The following CDC14B variants were observed in gnomAD, a reference collection of about 807,000 sequenced individuals.
The protein encoded by CDC14B is dual specificity protein phosphatase CDC14B.
A neutral mutation model predicts 64.2 loss-of-function variants in CDC14B; 22 were observed. That is an observed-to-expected ratio of 0.34 (90% confidence interval 0.24 to 0.49). CDC14B has a LOEUF of 0.49. Ranked by LOEUF, CDC14B falls within the 20% of genes least tolerant of loss-of-function variation. The pLI, the probability that CDC14B is intolerant of heterozygous loss-of-function variation, is 0.99. For missense variants in CDC14B, 498 were observed against 629.9 expected, an observed-to-expected ratio of 0.79 and a Z score of 2.24; for synonymous variants, 191 against 215.8, an observed-to-expected ratio of 0.89 and a Z score of 1.01.
chr9:96,514,583 A>G, intron 12 of CDC14B: 2 of 985,442 alleles, frequency 2.0e-6, no homozygotes, highest in Non-Finnish European at 2.4e-6. Context: ...GTGAAACCAC[A>G]AAGTACCAGA....
chr9:96,496,735 G>A (rs1833260089), downstream of CDC14B, among the ~76,000 whole-genome samples: 1 of 152,234 alleles, frequency 6.6e-6, no homozygotes, highest in Non-Finnish European at 1.5e-5. Context: ...CAGCGGACCC[G>A]CTCCCGGGGA....
chr9:96,520,903 C>T (rs1178994404), intron 12 of CDC14B, among the ~76,000 whole-genome samples: 2 of 151,156 alleles, frequency 1.3e-5, no homozygotes. Flanking sequence ...GAGGGTGCTG[C>T]CTGCCTCCTC....
chr9:96,571,375 C>G (rs1013536971), intron 1 of CDC14B, among the ~76,000 whole-genome samples: 2 of 152,062 alleles, frequency 1.3e-5, no homozygotes, highest in African/African-American at 4.8e-5. Flanking sequence ...GGGGTTTCAT[C>G]ATGTTGGCCA....
chr9:96,538,451 G>A (rs981682363), intron 7 of CDC14B, among the ~76,000 whole-genome samples: 3 of 152,328 alleles, frequency 2.0e-5, no homozygotes, highest in Admixed American at 2.0e-4. Flanking sequence ...CGTGCACAGT[G>A]GCACACATCT....
chr9:96,565,640 T>C, intron 1 of CDC14B, 157 bp from the exon 2 acceptor site: 1 of 667,446 alleles, frequency 1.5e-6, no homozygotes, highest in East Asian at 2.7e-5. Context: ...ATATTCTGGC[T>C]ATTTGGGTGG....
At chr9:96,609,779 C>G (rs964996963) in intron 1 of CDC14B, among the ~76,000 whole-genome samples, 1 of 152,168 alleles carries the variant, frequency 6.6e-6, no homozygotes, top group Admixed American at 6.5e-5. Flanking sequence ...ATAAATATCA[C>G]AGACATCAGG....
intron 1 of CDC14B, chr9:96,566,905 AAAAC>A: frequency 6.5e-7 from 1 of 1,546,958 alleles, no homozygotes; most frequent in Admixed American, 2.0e-5. Flanking sequence ...CGAAGTTTAA[AAAAC>A]AAAGTTTAAA....
chr9:96,581,115 A>T (rs1452325084), intron 1 of CDC14B, among the ~76,000 whole-genome samples: 5 of 152,104 alleles, frequency 3.3e-5, no homozygotes, highest in African/African-American at 1.2e-4. Flanking sequence ...CTGTAATCCC[A>T]GCTACTCAGG....
At chr9:96,593,140 G>A (rs2118647118) in intron 1 of CDC14B, among the ~76,000 whole-genome samples, 1 of 152,194 alleles carries the variant, frequency 6.6e-6, no homozygotes, top group South Asian at 2.1e-4. Flanking sequence ...TGCAAGACAG[G>A]TATGAAATTT....
At chr9:96,575,493 A>C (rs968840889) in intron 1 of CDC14B, among the ~76,000 whole-genome samples, 7 of 152,224 alleles carry the variant, frequency 4.6e-5, no homozygotes, top group African/African-American at 7.2e-5. Flanking sequence ...CACTAGAAGA[A>C]CTATATAAGT....
chr9:96,568,560 T>C (rs1035706077), intron 1 of CDC14B, among the ~76,000 whole-genome samples: 3 of 152,162 alleles, frequency 2.0e-5, no homozygotes, highest in Non-Finnish European at 4.4e-5. Flanking sequence ...GGTGGGAATA[T>C]AAACTGGGCC....
At chr9:96,586,257 G>A (rs1845450559) in intron 1 of CDC14B, among the ~76,000 whole-genome samples, 1 of 152,148 alleles carries the variant, frequency 6.6e-6, no homozygotes, top group Non-Finnish European at 1.5e-5. Context: ...GAAGTATTCT[G>A]TAAAGAATAT....
At chr9:96,520,614 C>T (rs1206552610) in intron 12 of CDC14B, among the ~76,000 whole-genome samples, 1 of 152,190 alleles carries the variant, frequency 6.6e-6, no homozygotes, top group Non-Finnish European at 1.5e-5. Context: ...TATCCCCTGA[C>T]TCTCAACTTG....
intron 9 of CDC14B, among the ~76,000 whole-genome samples, chr9:96,533,238 G>C (rs556092423): frequency 5.3e-5 from 8 of 152,270 alleles, no homozygotes; most frequent in African/African-American, 1.9e-4. Flanking sequence ...CAAAGTGCTG[G>C]GATTATAGGC....
chr9:96,534,282 T>TA lies in CDC14B; in HGVS notation c.716-126dup, dbSNP rs1438070948. On this transcript the variant is annotated intron_variant, in intron 8 of 13. Transcript: ENST00000375241. ...TTAAATACCAATTTGATTATAACTG[T>TA]AAAAAACAAAAGAAAAGAAAGTTAA... is the stretch of plus-strand genomic sequence containing the variant. 8 of 795,820 alleles carry TA rather than the reference T, an allele frequency of 1.0e-5. No homozygotes were observed. In the Admixed American group the frequency reaches 1.4e-4, roughly 14 times the overall value. The allele number at this position is 795,820 out of a possible 1,614,324, so 49.3% of individuals were successfully genotyped here. A position where few individuals can be genotyped will look rare whatever the true frequency, so the allele number is the denominator to read the frequency against.
intron 1 of CDC14B, among the ~76,000 whole-genome samples, chr9:96,593,547 AT>A (rs1473778934): frequency 6.6e-6 from 1 of 151,740 alleles, no homozygotes; most frequent in Admixed American, 6.6e-5. Flanking sequence ...CATTATAAAT[AT>A]TTTTTTCTGC....
chr9:96,599,746 CT>C (rs979499228), intron 1 of CDC14B, among the ~76,000 whole-genome samples: 8 of 148,892 alleles, frequency 5.4e-5, no homozygotes, highest in South Asian at 2.1e-4. Flanking sequence ...CTTTTGTTTT[CT>C]TTTTTTTTTG....
intron 5 of CDC14B, among the ~76,000 whole-genome samples, chr9:96,544,755 C>G (rs1564296820): frequency 1.3e-5 from 2 of 152,154 alleles, no homozygotes; most frequent in Non-Finnish European, 2.9e-5. Flanking sequence ...CCTCAGCCTC[C>G]CAAAGTGCTG....
intron 1 of CDC14B, among the ~76,000 whole-genome samples, chr9:96,608,136 T>C (rs1564392554): frequency 1.3e-5 from 2 of 152,174 alleles, no homozygotes; most frequent in East Asian, 3.8e-4. Flanking sequence ...CAGACGTCAG[T>C]GGTCCAGTCT....
Sources: allele counts gnomAD v4.1 joint callset (sites outside exome capture counted in the v4.1 genomes callset), GRCh38; gene constraint gnomAD v4.1.1; transcripts MANE v1.5; gene names NCBI Gene and HGNC (gene_info 2026-07-23, HGNC 2026-07-21).